DDX19B: variants seen among roughly 807,000 people sequenced by gnomAD.
DDX19B encodes the protein DEAD-box helicase 19B, also known as ATP-dependent RNA helicase DDX19B.
DDX19B carries 27 observed loss-of-function variants against 58.1 expected under a neutral mutation model. The observed-to-expected ratio is 0.46, with a 90% CI of 0.34 to 0.64. The LOEUF (loss-of-function observed/expected upper bound fraction) is 0.64, where lower values mean the gene tolerates loss of function less well. Ranked by LOEUF, DDX19B falls within the 30% of genes least tolerant of loss-of-function variation. DDX19B has a pLI of 0.01. For missense variants in DDX19B, 399 were observed against 596.5 expected (o/e 0.67, Z 3.45); for synonymous variants, 187 against 214.4 (o/e 0.87, Z 1.12).
intron 3 of DDX19B, 41 bp from the exon 4 acceptor site, chr16:70,315,928 C>G: frequency 6.2e-7 from 1 of 1,604,494 alleles, no homozygotes; most frequent in Non-Finnish European, 8.5e-7. Flanking sequence ...TGGTAGGTTT[C>G]AAGGACTTTT....
intron 1 of DDX19B, among the ~76,000 whole-genome samples, chr16:70,307,268 T>C (rs375702661): frequency 1.3e-5 from 2 of 152,228 alleles, no homozygotes; most frequent in Non-Finnish European, 1.5e-5. Flanking sequence ...AGTAATTCTG[T>C]ATTTAACTTT....
At chr16:70,307,397 CT>C (rs1235702543) in intron 1 of DDX19B, among the ~76,000 whole-genome samples, 1 of 152,240 alleles carries the variant, frequency 6.6e-6, no homozygotes, top group South Asian at 2.1e-4. Context: ...GAGTCTCGCA[CT>C]GTCTCCCAGG....
chr16:70,312,765 T>G (rs1962159352), intron 2 of DDX19B, 108 bp downstream of exon 2: 1 of 825,416 alleles, frequency 1.2e-6, no homozygotes, highest in South Asian at 1.6e-5. Context: ...AGGCAGGGCA[T>G]TGGCAGATAC....
intron 1 of DDX19B, among the ~76,000 whole-genome samples, chr16:70,301,249 C>T (rs1425920463): frequency 6.6e-6 from 1 of 152,170 alleles, no homozygotes; most frequent in Non-Finnish European, 1.5e-5. Flanking sequence ...AAGTAAATTA[C>T]TTTAAGAATA....
intron 9 of DDX19B, 33 bp downstream of exon 9, chr16:70,330,101 T>A: frequency 6.2e-7 from 1 of 1,612,068 alleles, no homozygotes; most frequent in Non-Finnish European, 8.5e-7. Flanking sequence ...GGCCTGGCCC[T>A]TCCCTCTCAG....
At chr16:70,295,061 T>G (rs539430496), upstream of DDX19B, 315 of 1,292,342 alleles carry the variant, frequency 2.4e-4, no homozygotes, top group Non-Finnish European at 3.0e-4. Context: ...ATCCGCCATC[T>G]GTGAGGTGGG....
In DDX19B at chr16:70,325,616, G is replaced by A. The variant is rs140554740; in HGVS notation, c.535G>A (p.Gly179Arg). 2 of 1,613,928 alleles carry A rather than the reference G, an allele frequency of 1.2e-6. No individual in the cohort carries two copies. The highest frequency in any genetic ancestry group is 1.7e-6 in the Non-Finnish European group (2 of 1,180,006). The change falls in exon 7 of 12, where the codon GGA (glycine) becomes AGA (arginine). Residue 179 changes from glycine to arginine, a missense_variant. Gly to Arg is a moderately radical substitution (Grantham distance 125). Around this residue, in one of 4 missense-constraint regions of DDX19B, gnomAD observed 67 missense variants for 74.3 expected, o/e 0.90. Coordinates refer to ENST00000288071, the MANE Select transcript of DDX19B (RefSeq NM_007242.7). ...SPTYELALQT[G>R]KVIEQMGKFY... ...AACGTATGAGCTCGCCCTCCAAACA[G>A]GAAAAGTGATTGAACAAATGGGCAA...
chr16:70,324,823 G>T, intron 6 of DDX19B, 136 bp downstream of exon 6: 1 of 722,630 alleles, frequency 1.4e-6, no homozygotes, highest in Admixed American at 3.5e-5. Flanking sequence ...AGGCCGAGGT[G>T]GGCGGATCAC....
intron 1 of DDX19B, among the ~76,000 whole-genome samples, chr16:70,307,773 G>A (rs1012510825): frequency 6.6e-5 from 10 of 151,470 alleles, no homozygotes; most frequent in Admixed American, 1.3e-4. Flanking sequence ...ACCCAGGCTG[G>A]AATGCAGTGG....
rs1400258989 is a variant in DDX19B at position 70,329,238 on chromosome 16, A to G, written c.608-54A>G. ...ACTCTGTCTCAAAAAAAAAAAAAAA[A>G]AAAAAGAAAGAAAGAAATACCCACA... On this transcript the variant is annotated intron_variant, in intron 7 of 11. Coordinates refer to ENST00000288071, the MANE Select transcript of DDX19B (RefSeq NM_007242.7). 95 of 1,571,966 alleles carry G rather than the reference A, an allele frequency of 6.0e-5. No individual in the cohort carries two copies. In the East Asian group the frequency reaches 1.8e-3, roughly 30 times the overall value.
At chr16:70,303,059 C>A (rs1961560534) in intron 1 of DDX19B, among the ~76,000 whole-genome samples, 1 of 152,148 alleles carries the variant, frequency 6.6e-6, no homozygotes, top group Admixed American at 6.5e-5. Flanking sequence ...ACCTTTTGCC[C>A]ATTTTTAAAG....
intron 2 of DDX19B, among the ~76,000 whole-genome samples, chr16:70,314,595 C>T (rs1346309706): frequency 6.6e-6 from 1 of 151,986 alleles, no homozygotes; most frequent in African/African-American, 2.4e-5. Flanking sequence ...ACCTGGGAGG[C>T]AGAGCTTGTA....
upstream of DDX19B, chr16:70,299,094 C>T (rs1961337509): frequency 7.6e-7 from 1 of 1,308,882 alleles, no homozygotes; most frequent in Non-Finnish European, 9.7e-7. Context: ...GGGTACGGGT[C>T]TGAGGGCAAC....
At chr16:70,328,693 T>A (rs1199440277) in intron 7 of DDX19B, among the ~76,000 whole-genome samples, 1 of 152,028 alleles carries the variant, frequency 6.6e-6, no homozygotes, top group African/African-American at 2.4e-5. Flanking sequence ...TACAATATAT[T>A]GTTGACTGTA....
intron 1 of DDX19B, among the ~76,000 whole-genome samples, chr16:70,304,691 C>G (rs1207559169): frequency 1.3e-5 from 2 of 152,092 alleles, no homozygotes; most frequent in Non-Finnish European, 2.9e-5. Context: ...CTTAATTGTT[C>G]CAGCACCATT....
intron 5 of DDX19B, among the ~76,000 whole-genome samples, chr16:70,319,961 A>G (rs1478928159): frequency 1.3e-5 from 2 of 152,296 alleles, no homozygotes; most frequent in South Asian, 2.1e-4. Context: ...GTTCTGTGTC[A>G]TAACAGTGAC....
At chr16:70,315,913 A>G (rs1962375215) in intron 3 of DDX19B, 56 bp from the exon 4 acceptor site, 1 of 1,584,950 alleles carries the variant, frequency 6.3e-7, no homozygotes, top group South Asian at 1.1e-5. Context: ...ATTAGAGTAA[A>G]CGCCTGGTAG....
upstream of DDX19B, among the ~76,000 whole-genome samples, chr16:70,298,579 C>T (rs913957069): frequency 2.0e-5 from 3 of 151,960 alleles, no homozygotes; most frequent in Admixed American, 2.0e-4. Context: ...GCCTAGACCT[C>T]CTGGGCTCAA....
chr16:70,329,823 C>T lies in DDX19B; in HGVS notation c.786-8C>T. 2 of 1,614,116 alleles carry T rather than the reference C, an allele frequency of 1.2e-6. No individual in the cohort carries two copies. The highest frequency in any genetic ancestry group is 1.3e-5 in the African/African-American group (1 of 75,046). On this transcript the variant is annotated splice_polypyrimidine_tract_variant and splice_region_variant and intron_variant, in intron 8 of 11. Coordinates refer to ENST00000288071, the MANE Select transcript of DDX19B (RefSeq NM_007242.7). ...CCTGGGGCCACCTACCAGGGCCTTC[C>T]CTTGCAGGATGCTGCCCAGGAACTG...
Sources: gnomAD v4.1 joint callset for allele counts (sites outside exome capture counted in the v4.1 genomes callset) on GRCh38, gnomAD v4.1.1 for gene constraint, gnomAD v4.1.1 regional missense constraint, MANE v1.5 for transcripts, NCBI Gene and HGNC (gene_info 2026-07-23, HGNC 2026-07-21) for gene names.